NCMAP: variants seen among roughly 807,000 people sequenced by gnomAD.
The protein encoded by NCMAP is noncompact myelin-associated protein.
NCMAP carries 8 observed loss-of-function variants against 7.8 expected under a neutral mutation model. The ratio of observed to expected loss-of-function variants is 1.02; its 90% confidence interval spans 0.60 to 1.84. The LOEUF is 1.84. Ranked by LOEUF, NCMAP falls within the 40% of genes most tolerant of loss-of-function variation. NCMAP has a pLI of 0.00. For missense variants in NCMAP, 112 were observed against 131.4 expected (o/e 0.85, Z 0.72); for synonymous variants, 41 against 52.9 (o/e 0.78, Z 0.98).
intron 1 of NCMAP, among the ~76,000 whole-genome samples, chr1:24,577,159 T>A (rs1570522768): frequency 6.6e-6 from 1 of 151,766 alleles, no homozygotes; most frequent in Non-Finnish European, 1.5e-5. Flanking sequence ...AAAATAAAAA[T>A]AAAAAATAAA....
intron 1 of NCMAP, chr1:24,589,460 T>G (rs985175135): frequency 6.6e-6 from 1 of 152,250 alleles, no homozygotes. Context: ...AGTCCCGAGA[T>G]GAGGCAAGAT....
At position 24,605,904 on chromosome 1, in the gene NCMAP, C is replaced by A; in HGVS notation, c.*157C>A. On this transcript the variant is annotated 3_prime_UTR_variant, in exon 4 of 4. Transcript: ENST00000374392. ...TCTGATGCTTCCAGCAATCCTCAAC[C>A]TTGTCTGCCCTGCCCTACCCCAACT... 1 of 849,846 alleles carries A rather than the reference C, an allele frequency of 1.2e-6. No individual in the cohort carries two copies. Among genetic ancestry groups the A allele is most frequent in the South Asian group, 1.8e-5 (1 of 54,446 alleles). 52.6% of individuals were successfully genotyped at this position (849,846 alleles called of 1,614,324 possible).
chr1:24,583,388 G>A (rs1651793547), intron 1 of NCMAP, among the ~76,000 whole-genome samples: 1 of 152,068 alleles, frequency 6.6e-6, no homozygotes, highest in South Asian at 2.1e-4. Flanking sequence ...TGTACCTCTT[G>A]GGCTCAAAAT....
chr1:24,597,757 C>A (rs954769486), intron 2 of NCMAP, among the ~76,000 whole-genome samples: 1 of 151,866 alleles, frequency 6.6e-6, no homozygotes, highest in African/African-American at 2.4e-5. Context: ...ATAGGGTTAC[C>A]AGATTTAGCA....
chr1:24,578,412 T>C (rs1471339694), intron 1 of NCMAP, among the ~76,000 whole-genome samples: 2 of 148,906 alleles, frequency 1.3e-5, no homozygotes, highest in African/African-American at 5.0e-5. Context: ...GGACACGGAG[T>C]TGCTTCCTAG....
At chr1:24,557,315 T>C (rs897505243) in intron 1 of NCMAP, among the ~76,000 whole-genome samples, 7 of 152,126 alleles carry the variant, frequency 4.6e-5, no homozygotes, top group Non-Finnish European at 1.0e-4. Flanking sequence ...GTGGTCTAGG[T>C]GGATGGAACA....
chr1:24,594,369 C>T (rs1291740510), intron 1 of NCMAP, among the ~76,000 whole-genome samples: 1 of 152,154 alleles, frequency 6.6e-6, no homozygotes, highest in Non-Finnish European at 1.5e-5. Context: ...ATACATTGTA[C>T]ACTCAGAGAG....
chr1:24,595,929 G>A (rs1652210689), intron 2 of NCMAP, among the ~76,000 whole-genome samples: 1 of 143,796 alleles, frequency 7.0e-6, no homozygotes, highest in African/African-American at 2.7e-5. Context: ...GGATAATCCA[G>A]GTTGACAGTT....
intron 1 of NCMAP, among the ~76,000 whole-genome samples, chr1:24,580,805 C>T (rs1297583887): frequency 1.3e-5 from 2 of 152,178 alleles, no homozygotes; most frequent in Non-Finnish European, 2.9e-5. Context: ...GTTTGGTGAT[C>T]TCTGTCACCA....
At chr1:24,580,957 G>A (rs759831318) in intron 1 of NCMAP, among the ~76,000 whole-genome samples, 4 of 152,172 alleles carry the variant, frequency 2.6e-5, no homozygotes, top group Non-Finnish European at 5.9e-5. Context: ...CTGGATTGGC[G>A]TCTCTCCAGT....
chr1:24,578,425 C>A lies in NCMAP; in HGVS notation c.-7-16999C>A, dbSNP rs189599459. Among the ~76,000 whole-genome samples the A allele has an allele frequency of 3.3e-4, 50 of 149,752 alleles. No individual in the cohort carries two copies. In the East Asian group the frequency reaches 9.6e-3, roughly 29 times the overall value. ...TGGGACACGGAGTTGCTTCCTAGAG[C>A]CTCCACAGAGGGTGTGTGGTGTGGT... On this transcript the variant is annotated intron_variant, in intron 1 of 3. Transcript: ENST00000374392.
intron 1 of NCMAP, among the ~76,000 whole-genome samples, chr1:24,563,145 A>C (rs890052869): frequency 6.6e-6 from 1 of 152,270 alleles, no homozygotes; most frequent in Non-Finnish European, 1.5e-5. Context: ...TAAAGGAAGA[A>C]ATTCATGAAA....
At position 24,564,007 on chromosome 1, in the gene NCMAP, T is replaced by C. The variant is rs1651137857; in HGVS notation, c.-8+7838T>C. The C allele has an allele frequency of 2.0e-5, 3 of 152,028 alleles. No individual in the cohort carries two copies. The South Asian group carries it at 6.2e-4, about 32-fold the overall frequency. 9.4% of individuals were successfully genotyped at this position (152,028 alleles called of 1,614,324 possible). On this transcript the variant is annotated intron_variant, in intron 1 of 3. Coordinates refer to ENST00000374392, the MANE Select transcript of NCMAP (RefSeq NM_001010980.5). ...CATACATCTTTCATTAAAAAACTGC[T>C]GCAATGAACAGGAAAAAAAGTCATA...
chr1:24,561,178 CAAAAAAA>C (rs755072214), intron 1 of NCMAP, among the ~76,000 whole-genome samples: 1 of 103,898 alleles, frequency 9.6e-6, no homozygotes, highest in Non-Finnish European at 1.8e-5. Flanking sequence ...ACTAAAAATA[CAAAAAAA>C]AAAAAAAAAA....
chr1:24,605,410 G>GA (rs1557605610), intron 3 of NCMAP, among the ~76,000 whole-genome samples, 196 bp from the exon 4 acceptor site: 1 of 152,108 alleles, frequency 6.6e-6, no homozygotes, highest in Non-Finnish European at 1.5e-5. Context: ...TGATCTAAGT[G>GA]AAAAAATTGA....
chr1:24,595,623 GCCCAGTT>G, intron 2 of NCMAP, 111 bp downstream of exon 2: 1 of 739,420 alleles, frequency 1.4e-6, no homozygotes, highest in Non-Finnish European at 2.3e-6. Flanking sequence ...TGGGTCTCAG[GCCCAGTT>G]CTGCCACGTG....
In NCMAP at chr1:24,580,002, G is replaced by A. The variant is rs374424664; in HGVS notation, c.-7-15422G>A. Among the ~76,000 whole-genome samples, 7 of 152,314 alleles carry A rather than the reference G, an allele frequency of 4.6e-5. No homozygotes were observed. The East Asian group carries it at 1.3e-3, about 29-fold the overall frequency. On this transcript the variant is annotated intron_variant, in intron 1 of 3. Coordinates refer to ENST00000374392, the MANE Select transcript of NCMAP (RefSeq NM_001010980.5). ...GTGCCTATGAATCTCCTGGGGTCTG[G>A]CCGAGGGGTAGGTTCTGGCTAGCAG...
chr1:24,558,360 T>C (rs1650964649), intron 1 of NCMAP, among the ~76,000 whole-genome samples: 1 of 152,180 alleles, frequency 6.6e-6, no homozygotes, highest in East Asian at 1.9e-4. Flanking sequence ...GGAATCTATG[T>C]GGAATGCATC....
intron 1 of NCMAP, among the ~76,000 whole-genome samples, chr1:24,582,768 C>T (rs147150618): frequency 9.2e-4 from 140 of 152,306 alleles, no homozygotes; most frequent in African/African-American, 3.2e-3. Context: ...TTGTTTTAAG[C>T]CACTAAATTT....
Sources: gnomAD v4.1 joint callset for allele counts (sites outside exome capture counted in the v4.1 genomes callset) on GRCh38, gnomAD v4.1.1 for gene constraint, MANE v1.5 for transcripts, NCBI Gene and HGNC (gene_info 2026-07-23, HGNC 2026-07-21) for gene names.